The following PURA variants were observed in gnomAD, a reference collection of about 807,000 sequenced individuals.
PURA encodes the protein transcriptional activator protein Pur-alpha.
In PURA, 2 loss-of-function variants were observed where a neutral mutation model predicts 23.1. The observed-to-expected ratio is 0.09, with a 90% confidence interval of 0.04 to 0.27. The LOEUF (loss-of-function observed/expected upper bound fraction) is 0.27. Among genes scored for constraint, PURA ranks in the 10% least tolerant of loss-of-function variants. The pLI is 1.00. For synonymous variants in PURA, 254 were observed against 205.9 expected (o/e 1.23, Z -2.00); for missense variants, 187 against 449.7 (o/e 0.42, Z 5.28).
Position 140,118,821 on chromosome 5 carries a change from C to T in PURA, c.*3671C>T, listed in dbSNP as rs576634194. On this transcript the variant is annotated 3_prime_UTR_variant, in exon 1 of 1. Transcript: ENST00000331327. ...AAGCGGAAAGTATATTATGTTTTTT[C>T]AGGCCTTCACATCTAGAGAGATGGA... The T allele has an allele frequency of 1.1e-4, 19 of 166,934 alleles. No individual in the cohort carries two copies. Among genetic ancestry groups the T allele is most frequent in the African/African-American group, 4.6e-4 (19 of 41,562 alleles). The allele number at this position is 166,934 out of a possible 1,614,324, so 10.3% of individuals were successfully genotyped here.
rs1364138541 is a variant in PURA, at chr5:140,123,916, G to A, written c.*8766G>A. 3 of 166,986 alleles carry A rather than the reference G, an allele frequency of 1.8e-5. No individual in the cohort carries two copies. The highest frequency in any genetic ancestry group is 4.4e-5 in the Non-Finnish European group (3 of 68,066). The allele number at this position is 166,986 out of a possible 1,614,324, so 10.3% of individuals were successfully genotyped here. On this transcript the variant is annotated 3_prime_UTR_variant, in exon 1 of 1. Coordinates refer to ENST00000331327, the MANE Select transcript of PURA (RefSeq NM_005859.5). ...TGTAGTTTTCCATAATGTTCATATA[G>A]TTTCCTTATGGTCTAAGTGTTACAA...
In PURA at chr5:140,118,079, G is replaced by GTTTTATTTTACTAGTTTTATTTTACTA. The variant is rs1426449934; in HGVS notation, c.*2929_*2930insTTTTATTTTACTAGTTTTATTTTACTA. The GTTTTATTTTACTAGTTTTATTTTACTA allele has an allele frequency of 1.2e-5, 2 of 166,480 alleles. No individual in the cohort carries two copies. Among genetic ancestry groups the GTTTTATTTTACTAGTTTTATTTTACTA allele is most frequent in the Non-Finnish European group, 2.9e-5 (2 of 68,032 alleles). The allele number at this position is 166,480 out of a possible 1,614,324, so 10.3% of individuals were successfully genotyped here. A position where few individuals can be genotyped will look rare whatever the true frequency, so the allele number is the denominator to read the frequency against. ...TTTCCTTGTTTTTATTTTACTAGTTGGTAAACCCTGTTTATGCTGAAACAA... is the reference window on the plus strand; with the variant it reads ...TTTCCTTGTTTTTATTTTACTAGTTGTTTTATTTTACTAGTTTTATTTTACTAGTAAACCCTGTTTATGCTGAAACAA... On this transcript the variant is annotated 3_prime_UTR_variant, in exon 1 of 1. Transcript: ENST00000331327.
Position 140,115,261 on chromosome 5 carries a change from T to TA in PURA, c.*126dup, listed in dbSNP as rs80110625. 0.08 allele frequency: 40,920 copies of TA among 513,676 alleles called. 44 individuals are homozygous for TA. Among genetic ancestry groups the TA allele is most frequent in the South Asian group, 0.096 (1,685 of 17,522 alleles). 31.8% of individuals were successfully genotyped at this position (513,676 alleles called of 1,614,324 possible). ...GAGAGAAAATAAAAAGTTAAAAAGT[T>TA]AAAAAAAAAAAAAAACCTGTTAACT... is the stretch of plus-strand genomic sequence containing the variant. On this transcript the variant is annotated 3_prime_UTR_variant, in exon 1 of 1. Transcript: ENST00000331327. The surrounding 1 kb of genome is among the most constrained non-coding windows in gnomAD (Gnocchi z 4.1).
rs751298687 is a variant in PURA at position 140,120,183 on chromosome 5, C to G, written c.*5033C>G. The G allele has an allele frequency of 2.4e-5, 4 of 166,564 alleles. No homozygotes were observed. The highest frequency in any genetic ancestry group is 4.8e-5 in the African/African-American group (2 of 41,342). The allele number at this position is 166,564 out of a possible 1,614,324, so 10.3% of individuals were successfully genotyped here. A position where few individuals can be genotyped will look rare whatever the true frequency, so the allele number is the denominator to read the frequency against. ...GTTTATTATCCCTAAATTTGAATAT[C>G]TTCATAATTTGGAGAGAGATGTATA... On this transcript the variant is annotated 3_prime_UTR_variant, in exon 1 of 1. Coordinates refer to ENST00000331327, the MANE Select transcript of PURA (RefSeq NM_005859.5).
chr5:140,117,393 T>C lies in PURA; in HGVS notation c.*2243T>C, dbSNP rs1424559890. On this transcript the variant is annotated 3_prime_UTR_variant, in exon 1 of 1. Coordinates refer to ENST00000331327, the MANE Select transcript of PURA (RefSeq NM_005859.5). ...TTTTGTCTTAAGGTTTGTTGAGCTGTTTTGTTCACTGTACTTTAACTGTGA... is the reference window on the plus strand; with the variant it reads ...TTTTGTCTTAAGGTTTGTTGAGCTGCTTTGTTCACTGTACTTTAACTGTGA... 1 of 166,904 alleles carries C rather than the reference T, an allele frequency of 6.0e-6. No individual in the cohort carries two copies. The highest frequency in any genetic ancestry group is 2.4e-5 in the African/African-American group (1 of 41,450). 10.3% of individuals were successfully genotyped at this position (166,904 alleles called of 1,614,324 possible).
In PURA at chr5:140,122,988, G is replaced by A. The variant is rs1203012788; in HGVS notation, c.*7838G>A. 1 of 166,746 alleles carries A rather than the reference G, an allele frequency of 6.0e-6. No homozygotes were observed. The highest frequency in any genetic ancestry group is 1.9e-4 in the East Asian group (1 of 5,198). The allele number at this position is 166,746 out of a possible 1,614,324, so 10.3% of individuals were successfully genotyped here. A position where few individuals can be genotyped will look rare whatever the true frequency, so the allele number is the denominator to read the frequency against. On this transcript the variant is annotated 3_prime_UTR_variant, in exon 1 of 1. Transcript: ENST00000331327. Reference sequence around the variant, plus strand: ...ATAGCAAAAAAGTGGTTCTGATTTTGTACTTTGAAGGTAATTTTTCTTTTT... The same window carrying A: ...ATAGCAAAAAAGTGGTTCTGATTTTATACTTTGAAGGTAATTTTTCTTTTT...
Position 140,114,353 on chromosome 5 carries a change from A to T in PURA, c.172A>T (p.Thr58Ser). 1 of 1,591,112 alleles carries T rather than the reference A, an allele frequency of 6.3e-7. No individual in the cohort carries two copies. The highest frequency in any genetic ancestry group is 8.5e-7 in the Non-Finnish European group (1 of 1,174,086). ...GGAPGGLQHE[T>S]QELASKRVDI... ...GGCCCCAGGGGGGCTGCAGCACGAG[A>T]CGCAGGAGCTGGCCTCCAAGCGGGT... The change falls in exon 1 of 1, where the codon ACG becomes TCG. Residue 58 changes from threonine (T) to serine (S), a missense_variant. This residue lies in a region of PURA where 27 missense variants were observed against 55.2 expected (regional missense o/e 0.49). Transcript: ENST00000331327.
Position 140,114,286 on chromosome 5 carries a change from T to TGGCGGCGGGGGC in PURA, c.114_125dup (p.Gly39_Gly42dup), listed in dbSNP as rs1342082060. ...GCTCAGGCTCCGGCGGGGGCGGTGG[T>TGGCGGCGGGGGC]GGCGGCGGGGGCGGCGGCGGCAGTG... On this transcript the variant is annotated inframe_insertion, in exon 1 of 1. Coordinates refer to ENST00000331327, the MANE Select transcript of PURA (RefSeq NM_005859.5). 8.3e-7 allele frequency: 1 copy of TGGCGGCGGGGGC among 1,203,438 alleles called. No individual in the cohort carries two copies. The highest frequency in any genetic ancestry group is 1.0e-6 in the Non-Finnish European group (1 of 984,672). 74.5% of individuals were successfully genotyped at this position (1,203,438 alleles called of 1,614,324 possible).
chr5:140,115,242 AAAT>A lies in PURA; in HGVS notation c.*95_*97del. On this transcript the variant is annotated 3_prime_UTR_variant, in exon 1 of 1. Transcript: ENST00000331327. This position sits in a 1 kb window ranked among gnomAD's most constrained non-coding sequence, Gnocchi z 4.1. ...AAAATATACTGTAAAGAAAGAGAGA[AAAT>A]AAAAAGTTAAAAAGTTAAAAAAAAA... The A allele has an allele frequency of 1.2e-6, 1 of 867,608 alleles. No individual in the cohort carries two copies. Among genetic ancestry groups the A allele is most frequent in the Non-Finnish European group, 1.6e-6 (1 of 621,516 alleles). The allele number at this position is 867,608 out of a possible 1,614,324, so 53.7% of individuals were successfully genotyped here.
In PURA at chr5:140,124,427, T is replaced by C. The variant is rs937767566; in HGVS notation, c.*9277T>C. The C allele has an allele frequency of 3.6e-5, 6 of 167,032 alleles. No homozygotes were observed. Among genetic ancestry groups the C allele is most frequent in the Non-Finnish European group, 7.3e-5 (5 of 68,086 alleles). The allele number at this position is 167,032 out of a possible 1,614,324, so 10.3% of individuals were successfully genotyped here. A position where few individuals can be genotyped will look rare whatever the true frequency, so the allele number is the denominator to read the frequency against. ...GTTTTGCTAGTCATTCTGGATCTTA[T>C]GTTTGCAAATTCTGTTGAACATTCA... On this transcript the variant is annotated 3_prime_UTR_variant, in exon 1 of 1. Transcript: ENST00000331327.
Position 140,123,933 on chromosome 5 carries a change from G to C in PURA, c.*8783G>C, listed in dbSNP as rs1291135954. 1 of 166,988 alleles carries C rather than the reference G, an allele frequency of 6.0e-6. No homozygotes were observed. The highest frequency in any genetic ancestry group is 1.5e-5 in the Non-Finnish European group (1 of 68,076). 10.3% of individuals were successfully genotyped at this position (166,988 alleles called of 1,614,324 possible). A position where few individuals can be genotyped will look rare whatever the true frequency, so the allele number is the denominator to read the frequency against. ...TTCATATAGTTTCCTTATGGTCTAAGTGTTACAACTGGTTTTCAAGTTGTT... is the reference window on the plus strand; with the variant it reads ...TTCATATAGTTTCCTTATGGTCTAACTGTTACAACTGGTTTTCAAGTTGTT... On this transcript the variant is annotated 3_prime_UTR_variant, in exon 1 of 1. Transcript: ENST00000331327.
rs1763055991 is a variant in PURA at position 140,114,999 on chromosome 5, A to G, written c.818A>G (p.Lys273Arg). The G allele has an allele frequency of 3.1e-6, 5 of 1,614,216 alleles. No individual in the cohort carries two copies. The highest frequency in any genetic ancestry group is 4.2e-6 in the Non-Finnish European group (5 of 1,180,024). Residue 273 changes from lysine (K) to arginine (R), a missense_variant, in exon 1 of 1, where the codon AAG becomes AGG. Lys to Arg is a conservative substitution (Grantham distance 26). Around this residue, in one of 9 missense-constraint regions of PURA, gnomAD observed 65 missense variants for 158.6 expected, o/e 0.41. Coordinates refer to ENST00000331327, the MANE Select transcript of PURA (RefSeq NM_005859.5). ...VWAKFGHTFC[K>R]YSEEMKKIQE... is the part of the protein sequence containing the mutation. The stretch of plus-strand genomic sequence containing the variant: ...GCCAAGTTCGGACACACCTTCTGCA[A>G]GTACTCGGAGGAGATGAAGAAGATT...
At position 140,114,502 on chromosome 5, in the gene PURA, C is replaced by G. The variant is rs149139260; in HGVS notation, c.321C>G (p.Ala107=). 1.9e-6 allele frequency: 3 copies of G among 1,611,178 alleles called. No individual in the cohort carries two copies. Among genetic ancestry groups the G allele is most frequent in the Non-Finnish European group, 2.5e-6 (3 of 1,179,200 alleles). Residue 107 remains alanine (A), a synonymous_variant, in exon 1 of 1, where the codon GCC becomes GCG. Coordinates refer to ENST00000331327, the MANE Select transcript of PURA (RefSeq NM_005859.5). Reference sequence around the variant, plus strand: ...GCCTTACTCTCTCCATGTCAGTGGCCGTGGAGTTCCGCGACTACCTGGGCG... The same window carrying G: ...GCCTTACTCTCTCCATGTCAGTGGCGGTGGAGTTCCGCGACTACCTGGGCG... ...KSRLTLSMSV[A]VEFRDYLGDF... is the part of the protein sequence containing the mutation.
chr5:140,120,310 A>T lies in PURA; in HGVS notation c.*5160A>T, dbSNP rs1297735701. Reference sequence around the variant, plus strand: ...GTGGAATAAGTAGGAGAGATAATTTATTGGAATTGCTTACATAGATAAATT... The same window carrying T: ...GTGGAATAAGTAGGAGAGATAATTTTTTGGAATTGCTTACATAGATAAATT... On this transcript the variant is annotated 3_prime_UTR_variant, in exon 1 of 1. Transcript: ENST00000331327. 1 of 166,872 alleles carries T rather than the reference A, an allele frequency of 6.0e-6. No homozygotes were observed. The highest frequency in any genetic ancestry group is 6.6e-5 in the Admixed American group (1 of 15,258). 10.3% of individuals were successfully genotyped at this position (166,872 alleles called of 1,614,324 possible).
chr5:140,114,940 T>C lies in PURA; in HGVS notation c.759T>C (p.Tyr253=), dbSNP rs1581036642. 6.2e-7 allele frequency: 1 copy of C among 1,614,188 alleles called. No individual in the cohort carries two copies. Residue 253 remains tyrosine, a synonymous_variant, in exon 1 of 1, where the codon TAT becomes TAC. Transcript: ENST00000331327. ...FMRVSEVKPT[Y]RNSITVPYKV... ...GAGTGAGCGAGGTGAAGCCCACCTA[T>C]CGCAACTCCATCACCGTGCCCTACA...
chr5:140,123,495 T>C lies in PURA; in HGVS notation c.*8345T>C, dbSNP rs748330763. ...TTTGTTTCTAGTCTTTTCTAATTTC[T>C]TGCAGAATTGTGTTTTCAATATTCC... is the stretch of plus-strand genomic sequence containing the variant. On this transcript the variant is annotated 3_prime_UTR_variant, in exon 1 of 1. Coordinates refer to ENST00000331327, the MANE Select transcript of PURA (RefSeq NM_005859.5). 6.0e-6 allele frequency: 1 copy of C among 166,714 alleles called. No individual in the cohort carries two copies. The highest frequency in any genetic ancestry group is 1.5e-5 in the Non-Finnish European group (1 of 68,076). 10.3% of individuals were successfully genotyped at this position (166,714 alleles called of 1,614,324 possible).
rs1449566536 is a variant in PURA at position 140,117,882 on chromosome 5, A to G, written c.*2732A>G. ...TTTAAGACTTAAAAAGTGATCATAG[A>G]AAAGACTAAGTGACTGTAAAGATGC... On this transcript the variant is annotated 3_prime_UTR_variant, in exon 1 of 1. Transcript: ENST00000331327. 6 of 166,912 alleles carry G rather than the reference A, an allele frequency of 3.6e-5. No homozygotes were observed. Among genetic ancestry groups the G allele is most frequent in the Non-Finnish European group, 8.8e-5 (6 of 68,110 alleles). The allele number at this position is 166,912 out of a possible 1,614,324, so 10.3% of individuals were successfully genotyped here.
chr5:140,114,417 A>C lies in PURA; in HGVS notation c.236A>C (p.Gln79Pro), dbSNP rs1469004129. The C allele has an allele frequency of 6.2e-7, 1 of 1,613,012 alleles. No homozygotes were observed. Among genetic ancestry groups the C allele is most frequent in the Admixed American group, 1.7e-5 (1 of 60,002 alleles). ...AAGCGCTTCTACCTGGACGTGAAGC[A>C]GAACGCCAAGGGCCGCTTCCTGAAG... ...QNKRFYLDVK[Q>P]NAKGRFLKIA... is the part of the protein sequence containing the mutation. The change falls in exon 1 of 1, where the codon CAG becomes CCG. Residue 79 changes from glutamine (Q) to proline (P), a missense_variant. This residue lies in a region of PURA where 24 missense variants were observed against 75.2 expected (regional missense o/e 0.32). Transcript: ENST00000331327.
In PURA at chr5:140,116,061, A is replaced by G. The variant is rs1763074008; in HGVS notation, c.*911A>G. 6.0e-6 allele frequency: 1 copy of G among 166,740 alleles called. No homozygotes were observed. Among genetic ancestry groups the G allele is most frequent in the South Asian group, 2.1e-4 (1 of 4,820 alleles). 10.3% of individuals were successfully genotyped at this position (166,740 alleles called of 1,614,324 possible). ...AAAGAAAAAGGAGATCTCCCATAAT[A>G]TTTTTCTGCATCTGTTTGCTTTGAC... is the stretch of plus-strand genomic sequence containing the variant. On this transcript the variant is annotated 3_prime_UTR_variant, in exon 1 of 1. Coordinates refer to ENST00000331327, the MANE Select transcript of PURA (RefSeq NM_005859.5).
Sources: allele counts gnomAD v4.1 joint callset, GRCh38; gene constraint gnomAD v4.1.1; regional missense constraint gnomAD v4.1.1; non-coding constraint Gnocchi (gnomAD v3.1); transcripts MANE v1.5; gene names NCBI Gene and HGNC (gene_info 2026-07-23, HGNC 2026-07-21).